RORB: variants seen among roughly 807,000 people sequenced by gnomAD.
RORB encodes the protein nuclear receptor ROR-beta.
Under a neutral mutation model 59.1 loss-of-function variants are expected in RORB, and 6 were observed. The observed-to-expected ratio is 0.10, with a 90% CI of 0.06 to 0.20. The LOEUF (loss-of-function observed/expected upper bound fraction) is 0.20. Ranked by LOEUF, RORB falls within the 10% of genes least tolerant of loss-of-function variation. RORB has a pLI of 1.00. For missense variants in RORB, 320 were observed against 560.5 expected (o/e 0.57, Z 4.33); for synonymous variants, 215 against 204.5 (o/e 1.05, Z -0.44).
At chr9:74,638,180 A>G (rs1394483179) in intron 3 of RORB, among the ~76,000 whole-genome samples, 1 of 152,228 alleles carries the variant, frequency 6.6e-6, no homozygotes, top group East Asian at 1.9e-4. Flanking sequence ...TTGGAAATTT[A>G]TAGAAAGTCA....
intron 3 of RORB, among the ~76,000 whole-genome samples, chr9:74,640,791 G>A (rs1440372065): frequency 1.3e-5 from 2 of 152,034 alleles, no homozygotes; most frequent in Non-Finnish European, 2.9e-5. Flanking sequence ...TAGGAATTAC[G>A]GTCTCCATTC....
intron 1 of RORB, among the ~76,000 whole-genome samples, chr9:74,604,559 G>A (rs558715818): frequency 3.9e-5 from 6 of 152,226 alleles, no homozygotes; most frequent in African/African-American, 7.2e-5. Flanking sequence ...TTCTTTAGCC[G>A]TTGGGATACA....
chr9:74,635,607 C>T (rs946990994), intron 3 of RORB, among the ~76,000 whole-genome samples: 4 of 152,128 alleles, frequency 2.6e-5, no homozygotes, highest in African/African-American at 9.7e-5. Context: ...GTCTTGTTCC[C>T]ACTAAAACAT....
rs1824718726 is a variant in RORB, at chr9:74,690,255, C to T, written c.*4637C>T. On this transcript the variant is annotated 3_prime_UTR_variant, in exon 10 of 10. Transcript: ENST00000376896. ...GGTCTTTCAAAAAAAAGCTGACACT[C>T]TATTCATTTTTGGGTCTCAGGACCA... The T allele has an allele frequency of 6.6e-6, 1 of 152,166 alleles. No individual in the cohort carries two copies. The highest frequency in any genetic ancestry group is 1.5e-5 in the Non-Finnish European group (1 of 68,056). 9.4% of individuals were successfully genotyped at this position (152,166 alleles called of 1,614,324 possible).
At chr9:74,579,938 ATAT>A (rs1822696513) in intron 1 of RORB, among the ~76,000 whole-genome samples, 1 of 152,206 alleles carries the variant, frequency 6.6e-6, no homozygotes, top group Admixed American at 6.5e-5. Context: ...TAGTCTGAAA[ATAT>A]TAAGATATTT....
chr9:74,587,164 G>A lies in RORB; in HGVS notation c.8-43118G>A, dbSNP rs147482737. ...AGGAGGTCCAGCCTAGTCAATCCACGGTGGTCTGAATCAACGGTTTCAGGA... is the reference window on the plus strand; with the variant it reads ...AGGAGGTCCAGCCTAGTCAATCCACAGTGGTCTGAATCAACGGTTTCAGGA... On this transcript the variant is annotated intron_variant, in intron 1 of 9. Transcript: ENST00000376896. Among the ~76,000 whole-genome samples the A allele has an allele frequency of 4.6e-5, 7 of 152,230 alleles. No individual in the cohort carries two copies. In the East Asian group the frequency reaches 5.8e-4, roughly 13 times the overall value.
chr9:74,566,499 T>C (rs1370411803), intron 1 of RORB, among the ~76,000 whole-genome samples: 1 of 152,140 alleles, frequency 6.6e-6, no homozygotes, highest in Non-Finnish European at 1.5e-5. Flanking sequence ...TCATCTTTTA[T>C]AAAATAAGCC....
At chr9:74,565,042 A>G (rs1822448896) in intron 1 of RORB, among the ~76,000 whole-genome samples, 1 of 152,204 alleles carries the variant, frequency 6.6e-6, no homozygotes, top group African/African-American at 2.4e-5. Context: ...TGTAATGGGC[A>G]CTTGTCAGAC....
At chr9:74,594,554 T>C (rs62554059) in intron 1 of RORB, among the ~76,000 whole-genome samples, 43,653 of 152,136 alleles carry the variant, frequency 0.29, 6,733 homozygotes, top group Non-Finnish European at 0.35. Context: ...ATCACATTCA[T>C]ATATATGAGA....
intron 1 of RORB, among the ~76,000 whole-genome samples, chr9:74,507,908 C>T (rs112801688): frequency 3.1e-4 from 47 of 152,098 alleles, no homozygotes; most frequent in African/African-American, 8.2e-4. Flanking sequence ...AATAGAGGAA[C>T]ATTTGTTCAG....
At chr9:74,558,930 G>A (rs1822352521) in intron 1 of RORB, among the ~76,000 whole-genome samples, 1 of 152,166 alleles carries the variant, frequency 6.6e-6, no homozygotes, top group Non-Finnish European at 1.5e-5. Flanking sequence ...CCCCCTTGAA[G>A]AGAGTCTATT....
chr9:74,520,304 C>A (rs1176573653), intron 1 of RORB, among the ~76,000 whole-genome samples: 1 of 151,862 alleles, frequency 6.6e-6, no homozygotes, highest in Non-Finnish European at 1.5e-5. Flanking sequence ...ATGTAAAGAG[C>A]CCATATTATA....
At chr9:74,667,439 G>T (rs1459042727) in intron 7 of RORB, among the ~76,000 whole-genome samples, 1 of 152,124 alleles carries the variant, frequency 6.6e-6, no homozygotes, top group Admixed American at 6.5e-5. Flanking sequence ...CTATTGTAAA[G>T]GATCCCCAAA....
At chr9:74,519,038 T>C (rs1046612373) in intron 1 of RORB, among the ~76,000 whole-genome samples, 1 of 151,982 alleles carries the variant, frequency 6.6e-6, no homozygotes, top group Non-Finnish European at 1.5e-5. Context: ...TGATAAAGTA[T>C]ATTTTACAGA....
At position 74,525,243 on chromosome 9, in the gene RORB, G is replaced by T. The variant is rs780136784; in HGVS notation, c.7+27260G>T. Among the ~76,000 whole-genome samples the T allele has an allele frequency of 6.0e-4, 91 of 151,770 alleles. 1 individual carries two copies. The highest frequency in any genetic ancestry group is 1.0e-4 in the Non-Finnish European group (7 of 67,882). ...ACTACTGTGGCTTATTAATTCCTTT[G>T]TAAGAAAAATATAGAGGTTATAAAG... On this transcript the variant is annotated intron_variant, in intron 1 of 9. Coordinates refer to ENST00000376896, the MANE Select transcript of RORB (RefSeq NM_006914.4).
intron 4 of RORB, among the ~76,000 whole-genome samples, chr9:74,656,402 T>C (rs1824081710): frequency 6.6e-6 from 1 of 152,206 alleles, no homozygotes; most frequent in African/African-American, 2.4e-5. Flanking sequence ...TACTCACTAA[T>C]GCCATCTCAT....
intron 1 of RORB, among the ~76,000 whole-genome samples, chr9:74,505,423 G>A (rs1825857182): frequency 1.3e-5 from 2 of 151,976 alleles, no homozygotes; most frequent in East Asian, 1.9e-4. Flanking sequence ...ATCTTTTACA[G>A]CCATATATAT....
At chr9:74,549,817 C>T (rs1019033774) in intron 1 of RORB, among the ~76,000 whole-genome samples, 4 of 152,040 alleles carry the variant, frequency 2.6e-5, no homozygotes, top group Non-Finnish European at 5.9e-5. Flanking sequence ...GACCCTCCGC[C>T]TCCCGGGTTC....
intron 9 of RORB, among the ~76,000 whole-genome samples, chr9:74,674,147 C>G (rs1341714710): frequency 6.6e-6 from 1 of 152,112 alleles, no homozygotes; most frequent in Admixed American, 6.6e-5. Context: ...TCAAATTCCC[C>G]AAAAGGAATA....
Sources: gnomAD v4.1 joint callset for allele counts (sites outside exome capture counted in the v4.1 genomes callset) on GRCh38, gnomAD v4.1.1 for gene constraint, MANE v1.5 for transcripts, NCBI Gene and HGNC (gene_info 2026-07-23, HGNC 2026-07-21) for gene names.